Variants in LAMA5 observed in about 807,000 individuals in gnomAD.
LAMA5 encodes the protein laminin subunit alpha 5.
A neutral mutation model predicts 433.4 loss-of-function variants in LAMA5; 260 were observed. The ratio of observed to expected loss-of-function variants is 0.60; its 90% confidence interval spans 0.54 to 0.66. The LOEUF is 0.66. LAMA5 is among the 30% of genes least tolerant of loss of function. The pLI, the probability that LAMA5 is intolerant of heterozygous loss-of-function variation, is 0.00. For missense variants in LAMA5, 5,378 were observed against 5,258.5 expected (o/e 1.02, Z -0.70); for synonymous variants, 2,620 against 2,226.6 (o/e 1.18, Z -4.97).
At position 62,352,043 on chromosome 20, in the gene LAMA5, T is replaced by C. The variant is rs375503198; in HGVS notation, c.724A>G (p.Met242Val). Residue 242 changes from methionine to valine, a missense_variant, in exon 5 of 80, where the codon ATG (methionine) becomes GTG (valine). By Grantham distance (21) the Met-to-Val change is conservative (BLOSUM62 1). Transcript: ENST00000252999. ...AGCAGCGGCGAGTAGGAGAAATTCA[T>C]GGCGCCCGGACGTCCGTTCACCAGG... ...VSLVNGRPGA[M>V]NFSYSPLLRE... The C allele has an allele frequency of 1.2e-6, 2 of 1,612,434 alleles. No homozygotes were observed. The highest frequency in any genetic ancestry group is 1.7e-6 in the Non-Finnish European group (2 of 1,179,930).
chr20:62,341,957 C>T (rs146671414), intron 11 of LAMA5, among the ~76,000 whole-genome samples: 239 of 152,152 alleles, frequency 1.6e-3, no homozygotes, highest in Non-Finnish European at 2.7e-3. Context: ...TTAAAAAATC[C>T]AAACAAAATA....
intron 79 of LAMA5, 33 bp from the exon 80 acceptor site, chr20:62,309,508 TTGG>T: frequency 2.6e-6 from 4 of 1,530,852 alleles, no homozygotes; most frequent in South Asian, 1.2e-5. Context: ...AGAAGGCTGG[TTGG>T]TGGGCAGCTA....
chr20:62,336,621 G>T, intron 17 of LAMA5, 113 bp downstream of exon 17: 2 of 1,331,176 alleles, frequency 1.5e-6, no homozygotes, highest in Non-Finnish European at 2.1e-6. Flanking sequence ...AGGCCCTGGG[G>T]TTGCCATGGC....
rs1227978931 is a variant in LAMA5, at chr20:62,318,668, G to A, written c.7043-18C>T. 2 of 1,606,844 alleles carry A rather than the reference G, an allele frequency of 1.2e-6. No homozygotes were observed. The highest frequency in any genetic ancestry group is 2.2e-5 in the East Asian group (1 of 44,774). On this transcript the variant is annotated intron_variant, in intron 52 of 79. Transcript: ENST00000252999. ...GGCCAGCACTAGCCGAGACCAGGGT[G>A]AGGGTGGTCACTCTGGAAGCCAGGC...
chr20:62,313,150 G>T lies in LAMA5; in HGVS notation c.8893C>A (p.Arg2965Ser), dbSNP rs1003744317. The T allele has an allele frequency of 6.2e-7, 1 of 1,603,866 alleles. No homozygotes were observed. Among genetic ancestry groups the T allele is most frequent in the African/African-American group, 1.3e-5 (1 of 74,940 alleles). ...SFDSQISTTK[R>S]FEQELRLVSY... is the part of the protein sequence containing the mutation. ...ACGAGCCGCAGCTCCTGCTCGAAGC[G>T]CTTGGTGGTGCTGATCTGACTGTCG... Residue 2965 changes from arginine to serine, a missense_variant, in exon 65 of 80, where the codon CGC becomes AGC. Transcript: ENST00000252999.
intron 2 of LAMA5, 119 bp downstream of exon 2, chr20:62,362,281 C>T (rs1475268358): frequency 9.5e-7 from 1 of 1,057,906 alleles, no homozygotes; most frequent in Non-Finnish European, 1.2e-6. Context: ...TGTCCAGCCT[C>T]CCAGGCCCCA....
In LAMA5 at chr20:62,309,185, T is replaced by C; in HGVS notation, c.*151A>G. On this transcript the variant is annotated 3_prime_UTR_variant, in exon 80 of 80. Coordinates refer to ENST00000252999, the MANE Select transcript of LAMA5 (RefSeq NM_005560.6). ...AAAACATTTTGCAGTATTTTATTCT[T>C]TCGTTTAAGAAGCTATAACTTAAAC... 1 of 778,836 alleles carries C rather than the reference T, an allele frequency of 1.3e-6. No homozygotes were observed. The highest frequency in any genetic ancestry group is 1.9e-6 in the Non-Finnish European group (1 of 520,406). 48.2% of individuals were successfully genotyped at this position (778,836 alleles called of 1,614,324 possible). A position where few individuals can be genotyped will look rare whatever the true frequency, so the allele number is the denominator to read the frequency against.
At chr20:62,329,108 G>T (rs200222321) in intron 33 of LAMA5, 30 bp downstream of exon 33, 1 of 1,611,458 alleles carries the variant, frequency 6.2e-7, no homozygotes, top group South Asian at 1.1e-5. Flanking sequence ...CCCCCACCCC[G>T]GACCCCTGAC....
rs565657313 is a variant in LAMA5, at chr20:62,332,478, G to T, written c.3446C>A (p.Thr1149Asn). Reference sequence around the variant, plus strand: ...ATCCCGGGCAGTGCCCCGGCACAGGGTGCTGTGGGGGGAGGGTGGTCAGCA... The same window carrying T: ...ATCCCGGGCAGTGCCCCGGCACAGGTTGCTGTGGGGGGAGGGTGGTCAGCA... ...LLSLHPCLYS[T>N]LCRGTARDTQ... The change falls in exon 28 of 80, where the codon ACC becomes AAC. Residue 1149 changes from threonine to asparagine, a missense_variant and splice_region_variant. Physicochemically the swap from Thr to Asn is moderately conservative, Grantham distance 65. Transcript: ENST00000252999. The T allele has an allele frequency of 6.2e-7, 1 of 1,612,204 alleles. No individual in the cohort carries two copies. The highest frequency in any genetic ancestry group is 1.3e-5 in the African/African-American group (1 of 75,046).
rs773610997 is a variant in LAMA5, at chr20:62,330,843, G to A, written c.3752C>T (p.Ala1251Val). The A allele has an allele frequency of 4.5e-5, 70 of 1,541,618 alleles. No individual in the cohort carries two copies. The highest frequency in any genetic ancestry group is 7.3e-5 in the East Asian group (3 of 40,880). ...GGACATGGCTGGAGTGAGATCCTGC[G>A]CGTGGGTCAGCGGGAGGCCGGGCGG... ...PLPPGLPLTH[A>V]QDLTPAMSPA... Residue 1251 changes from alanine to valine, a missense_variant, in exon 30 of 80, where the codon GCG becomes GTG. Physicochemically the swap from Ala to Val is moderately conservative, Grantham distance 64. Coordinates refer to ENST00000252999, the MANE Select transcript of LAMA5 (RefSeq NM_005560.6).
At position 62,367,175 on chromosome 20, in the gene LAMA5, A is replaced by G. The variant is rs956688861; in HGVS notation, c.71T>C (p.Leu24Pro). ...RGPRGPAPLL[L>P]VGLALLGAAR... is the part of the protein sequence containing the mutation. Reference sequence around the variant, plus strand: ...CGCGCCCAGCAGCGCCAGCCCGACCAGCAGCAGCGGCGCGGGGCCCCGGGG... The same window carrying G: ...CGCGCCCAGCAGCGCCAGCCCGACCGGCAGCAGCGGCGCGGGGCCCCGGGG... Residue 24 changes from leucine to proline, a missense_variant, in exon 1 of 80, where the codon CTG (leucine) becomes CCG (proline). Transcript: ENST00000252999. 2 of 1,240,240 alleles carry G rather than the reference A, an allele frequency of 1.6e-6. No individual in the cohort carries two copies. The highest frequency in any genetic ancestry group is 2.0e-6 in the Non-Finnish European group (2 of 995,280). 76.8% of individuals were successfully genotyped at this position (1,240,240 alleles called of 1,614,324 possible).
chr20:62,312,238 C>T lies in LAMA5; in HGVS notation c.9439G>A (p.Val3147Ile), dbSNP rs534944818. Residue 3147 changes from valine to isoleucine, a missense_variant, in exon 69 of 80, where the codon GTC (valine) becomes ATC (isoleucine). Transcript: ENST00000252999. ...LSNVAPLTGN[V>I]YSGFGFHSAQ... ...CTGTGGAAGCCGAAGCCGGAGTAGA[C>T]GTTGCCAGTGAGCGGTGCCACGTTC... The T allele has an allele frequency of 3.1e-6, 5 of 1,611,036 alleles. No homozygotes were observed. The highest frequency in any genetic ancestry group is 4.2e-6 in the Non-Finnish European group (5 of 1,179,384).
At chr20:62,345,910 C>G in intron 10 of LAMA5, 33 bp from the exon 11 acceptor site, 1 of 1,556,844 alleles carries the variant, frequency 6.4e-7, no homozygotes, top group Non-Finnish European at 8.7e-7. Flanking sequence ...TTGGCCAGGT[C>G]TGCTCAGAAC....
rs1978928913 is a variant in LAMA5, at chr20:62,324,577, G to A, written c.5530-23C>T. The A allele has an allele frequency of 6.4e-7, 1 of 1,560,848 alleles. No individual in the cohort carries two copies. On this transcript the variant is annotated intron_variant, in intron 41 of 79. Transcript: ENST00000252999. The surrounding 1 kb of genome is among the most constrained non-coding windows in gnomAD (Gnocchi z 4.4). Reference sequence around the variant, plus strand: ...TTCCTGAGGGTGTACGGGGGCAGGTGGCATCAGCGATTGAGAGGACGAGGG... The same window carrying A: ...TTCCTGAGGGTGTACGGGGGCAGGTAGCATCAGCGATTGAGAGGACGAGGG...
rs745421497 is a variant in LAMA5 at position 62,312,544 on chromosome 20, C to A, written c.9228-12G>T. 2 of 1,598,970 alleles carry A rather than the reference C, an allele frequency of 1.3e-6. No homozygotes were observed. The highest frequency in any genetic ancestry group is 2.2e-5 in the South Asian group (2 of 90,846). On this transcript the variant is annotated splice_polypyrimidine_tract_variant and intron_variant, in intron 67 of 79. Coordinates refer to ENST00000252999, the MANE Select transcript of LAMA5 (RefSeq NM_005560.6). ...AGAGCCGTCGCAGGCTGTGGGGAAG[C>A]GGGGATGCGGGTCAGGGCGCCACCT...
At position 62,327,198 on chromosome 20, in the gene LAMA5, C is replaced by T. The variant is rs1168361454; in HGVS notation, c.5112+35G>A. ...CCCTCTCAGGCGTCCTGGCCATCCTCAAAGTGCCTCCCCCAGACCTGATGC... is the reference window on the plus strand; with the variant it reads ...CCCTCTCAGGCGTCCTGGCCATCCTTAAAGTGCCTCCCCCAGACCTGATGC... On this transcript the variant is annotated intron_variant, in intron 38 of 79. Transcript: ENST00000252999. 3 of 1,465,490 alleles carry T rather than the reference C, an allele frequency of 2.0e-6. No individual in the cohort carries two copies. In the Admixed American group the frequency reaches 7.9e-5, roughly 39 times the overall value. The allele number at this position is 1,465,490 out of a possible 1,614,324, so 90.8% of individuals were successfully genotyped here.
intron 2 of LAMA5, among the ~76,000 whole-genome samples, chr20:62,353,984 G>A (rs972647281): frequency 7.2e-5 from 11 of 152,030 alleles, no homozygotes; most frequent in African/African-American, 1.2e-4. Context: ...GCTGTGGCCC[G>A]GTGCACGTCA....
At chr20:62,340,563 A>C (rs183521555) in intron 11 of LAMA5, among the ~76,000 whole-genome samples, 1 of 151,476 alleles carries the variant, frequency 6.6e-6, no homozygotes, top group South Asian at 2.1e-4. Flanking sequence ...TGCCCACCTC[A>C]GCCTCCCAAA....
In LAMA5 at chr20:62,309,794, G is replaced by T. The variant is rs1452423847; in HGVS notation, c.10870C>A (p.Gln3624Lys). The change falls in exon 79 of 80, where the codon CAG becomes AAG. Residue 3624 changes from glutamine (Q) to lysine (K), a missense_variant. Gln to Lys is a moderately conservative substitution (Grantham distance 53). Transcript: ENST00000252999. ...AAGGGGCCCACGGTGTGGTTGCTCT[G>T]CGCGTCCACCTCCAGCCGGAGCACA... is the stretch of plus-strand genomic sequence containing the variant. ...GNVLRLEVDA[Q>K]SNHTVGPLLA... 1 of 1,610,334 alleles carries T rather than the reference G, an allele frequency of 6.2e-7. No homozygotes were observed. The highest frequency in any genetic ancestry group is 8.5e-7 in the Non-Finnish European group (1 of 1,179,222).
Sources: allele counts gnomAD v4.1 joint callset (sites outside exome capture counted in the v4.1 genomes callset), GRCh38; gene constraint gnomAD v4.1.1; non-coding constraint Gnocchi (gnomAD v3.1); transcripts MANE v1.5; gene names NCBI Gene and HGNC (gene_info 2026-07-23, HGNC 2026-07-21).